The following RASGEF1A variants were observed in gnomAD, a reference collection of about 807,000 sequenced individuals.
The protein encoded by RASGEF1A is ras-GEF domain-containing family member 1A.
A neutral mutation model predicts 56.4 loss-of-function variants in RASGEF1A; 18 were observed. The ratio of observed to expected loss-of-function variants is 0.32; its 90% CI spans 0.22 to 0.47. The LOEUF is 0.47. Ranked by LOEUF, RASGEF1A falls within the 20% of genes least tolerant of loss-of-function variation. RASGEF1A has a pLI of 1.00. For missense variants in RASGEF1A, 422 were observed against 627.1 expected (o/e 0.67, Z 3.49); for synonymous variants, 245 against 242.6 (o/e 1.01, Z -0.09).
chr10:43,198,158 C>T lies in RASGEF1A; in HGVS notation c.1070G>A (p.Arg357His), dbSNP rs779882837. ...MDPSSNFCNY[R>H]TALQGATQRS... ...CTGCGTGGCCCCCTGCAGGGCTGTA[C>T]GGTAGTTGCAGAAGTTGCTGGACGG... Residue 357 changes from arginine (R) to histidine (H), a missense_variant, in exon 10 of 13, where the codon CGT becomes CAT. This residue lies in a region of RASGEF1A where 149 missense variants were observed against 287.2 expected (regional missense o/e 0.52). Transcript: ENST00000395810. The T allele has an allele frequency of 5.6e-6, 9 of 1,613,622 alleles. No homozygotes were observed. Among genetic ancestry groups the T allele is most frequent in the Admixed American group, 1.7e-5 (1 of 60,004 alleles).
chr10:43,208,521 G>C, intron 1 of RASGEF1A: 2 of 985,790 alleles, frequency 2.0e-6, no homozygotes, highest in Non-Finnish European at 2.4e-6. Flanking sequence ...GGAGCATGCA[G>C]GGGTGTCCCA....
At chr10:43,197,642 G>A (rs776513591) in intron 10 of RASGEF1A, among the ~76,000 whole-genome samples, 15 of 152,092 alleles carry the variant, frequency 9.9e-5, no homozygotes, top group Non-Finnish European at 1.6e-4. Flanking sequence ...ATTCTCTGCC[G>A]CCTCCTCCCT....
intron 1 of RASGEF1A, chr10:43,207,725 C>A (rs933499009): frequency 1.4e-5 from 14 of 984,250 alleles, no homozygotes; most frequent in Non-Finnish European, 3.6e-6. Context: ...TTAGAATGCA[C>A]ATTCTCAGGC....
rs78882215 is a variant in RASGEF1A, at chr10:43,263,907, C to A, written c.-7+2938G>T. 1.9e-4 allele frequency among the ~76,000 whole-genome samples: 29 copies of A among 152,230 alleles called. No homozygotes were observed. The East Asian group carries it at 5.2e-3, about 28-fold the overall frequency. On this transcript the variant is annotated intron_variant, in intron 1 of 12. Transcript: ENST00000395810. ...GCCACAGCAGCAGTCACACCCCCAC[C>A]CCGTCCATCACAGCACAGGCCCCGC...
In RASGEF1A at chr10:43,204,636, G is replaced by A. The variant is rs560269099; in HGVS notation, c.199-1216C>T. ...TGCATGTTTGTGTGCATGTGTGAGT[G>A]TGTTCAGCTACCGGTGCACATGGGG... is the stretch of plus-strand genomic sequence containing the variant. On this transcript the variant is annotated intron_variant, in intron 2 of 12. Coordinates refer to ENST00000395810, the MANE Select transcript of RASGEF1A (RefSeq NM_145313.4). Among the ~76,000 whole-genome samples the A allele has an allele frequency of 6.0e-4, 92 of 152,280 alleles. No individual in the cohort carries two copies. In the Middle Eastern group the frequency reaches 0.01, roughly 17 times the overall value.
chr10:43,236,440 A>T (rs541896463), intron 1 of RASGEF1A, among the ~76,000 whole-genome samples: 2 of 152,352 alleles, frequency 1.3e-5, no homozygotes, highest in East Asian at 3.9e-4. Flanking sequence ...ACATAGTTGC[A>T]TGCATGCATT....
intron 1 of RASGEF1A, among the ~76,000 whole-genome samples, chr10:43,243,683 G>C (rs1362377392): frequency 6.7e-6 from 1 of 148,240 alleles, no homozygotes; most frequent in Non-Finnish European, 1.5e-5. Flanking sequence ...CTTCGTCTGG[G>C]AGGTGGGGAG....
In RASGEF1A at chr10:43,198,955, G is replaced by T; in HGVS notation, c.1010C>A (p.Thr337Lys). The part of the protein sequence containing the change: ...RLKKTWSKVK[T>K]AKFDVLEHHM... ...TACCTCCAAGACATCAAACTTGGCT[G>T]TCTTGACCTTGGACCAAGTTTTCTT... Residue 337 changes from threonine to lysine, a missense_variant, in exon 9 of 13, where the codon ACA becomes AAA. Physicochemically the swap from Thr to Lys is moderately conservative, Grantham distance 78. This residue lies in a region of RASGEF1A where 149 missense variants were observed against 287.2 expected (regional missense o/e 0.52). Transcript: ENST00000395810. The T allele has an allele frequency of 6.2e-7, 1 of 1,610,372 alleles. No individual in the cohort carries two copies. Among genetic ancestry groups the T allele is most frequent in the South Asian group, 1.1e-5 (1 of 90,982 alleles).
At chr10:43,207,010 T>G (rs1471242834) in intron 1 of RASGEF1A, 1 of 985,396 alleles carries the variant, frequency 1.0e-6, no homozygotes, top group African/African-American at 1.7e-5. Context: ...CTGGGAGTTC[T>G]TGTGAAGCCT....
At chr10:43,197,148 A>C in intron 10 of RASGEF1A, 49 bp from the exon 11 acceptor site, 1 of 1,599,900 alleles carries the variant, frequency 6.3e-7, no homozygotes, top group Non-Finnish European at 8.5e-7. Context: ...TTAAGCACCA[A>C]ACCCTCGGTC....
rs1836634806 is a variant in RASGEF1A, at chr10:43,266,859, G to C, written c.-21C>G. The C allele has an allele frequency of 1.4e-5, 2 of 146,036 alleles. No homozygotes were observed. Among genetic ancestry groups the C allele is most frequent in the East Asian group, 4.0e-4 (2 of 5,036 alleles). The allele number at this position is 146,036 out of a possible 1,614,324, so 9.0% of individuals were successfully genotyped here. ...CCGCTGCCTACCTCGGTCCGGGCCAGCGTCGCTCCCGCGCCGCCCTCGCGC... is the reference window on the plus strand; with the variant it reads ...CCGCTGCCTACCTCGGTCCGGGCCACCGTCGCTCCCGCGCCGCCCTCGCGC... On this transcript the variant is annotated 5_prime_UTR_variant, in exon 1 of 13. Coordinates refer to ENST00000395810, the MANE Select transcript of RASGEF1A (RefSeq NM_145313.4).
chr10:43,223,623 T>C (rs955553665), intron 1 of RASGEF1A, among the ~76,000 whole-genome samples: 3 of 152,174 alleles, frequency 2.0e-5, no homozygotes, highest in African/African-American at 7.2e-5. Flanking sequence ...GCAAATTAGA[T>C]GACTTAATCA....
intron 1 of RASGEF1A, among the ~76,000 whole-genome samples, chr10:43,230,272 T>G (rs549581277): frequency 6.6e-6 from 1 of 152,308 alleles, no homozygotes; most frequent in Non-Finnish European, 1.5e-5. Context: ...GAACTCCCTG[T>G]CCTTCCATTT....
Position 43,196,953 on chromosome 10 carries a change from C to T in RASGEF1A, c.1348+23G>A. ...GGAGTCAGGTGGGGTGGGAGGCATG[C>T]TGCGTTGGGAGGCAGCCCTCACCTT... is the stretch of plus-strand genomic sequence containing the variant. On this transcript the variant is annotated intron_variant, in intron 11 of 12. Transcript: ENST00000395810. This position sits in a 1 kb window ranked among gnomAD's most constrained non-coding sequence, Gnocchi z 4.6. 2 of 1,610,872 alleles carry T rather than the reference C, an allele frequency of 1.2e-6. No homozygotes were observed. Among genetic ancestry groups the T allele is most frequent in the Non-Finnish European group, 8.5e-7 (1 of 1,179,182 alleles).
chr10:43,263,202 G>A (rs953999), intron 1 of RASGEF1A, among the ~76,000 whole-genome samples: 44,384 of 151,958 alleles, frequency 0.29, 6,884 homozygotes, highest in Non-Finnish European at 0.33. Context: ...GGGACTTTGA[G>A]TGTCCCAGGA....
intron 1 of RASGEF1A, among the ~76,000 whole-genome samples, chr10:43,262,073 G>A (rs373617216): frequency 6.6e-6 from 1 of 152,138 alleles, no homozygotes; most frequent in Non-Finnish European, 1.5e-5. Flanking sequence ...AAGGCTGCCT[G>A]ACATTCACAT....
chr10:43,256,314 C>A (rs916711374), intron 1 of RASGEF1A, among the ~76,000 whole-genome samples: 1 of 152,180 alleles, frequency 6.6e-6, no homozygotes, highest in Non-Finnish European at 1.5e-5. Context: ...GCAGCCAGTG[C>A]GGAGCTTGGT....
chr10:43,250,213 G>A lies in RASGEF1A; in HGVS notation c.-7+16632C>T, dbSNP rs943037647. On this transcript the variant is annotated intron_variant, in intron 1 of 12. Coordinates refer to ENST00000395810, the MANE Select transcript of RASGEF1A (RefSeq NM_145313.4). ...CGCAGTCTCGGAGCTATGGAGGAGC[G>A]CTGCCTGGGAGCCAGCTGCCCGGAC... 1.4e-4 allele frequency among the ~76,000 whole-genome samples: 22 copies of A among 152,320 alleles called. 1 individual carries two copies. The highest frequency in any genetic ancestry group is 7.8e-4 in the Admixed American group (12 of 15,302).
At chr10:43,211,402 G>A (rs1053595578) in intron 1 of RASGEF1A, among the ~76,000 whole-genome samples, 5 of 152,188 alleles carry the variant, frequency 3.3e-5, no homozygotes, top group Non-Finnish European at 7.4e-5. Flanking sequence ...AGCACTGTAG[G>A]AGGCCTGGAG....
Sources: allele counts gnomAD v4.1 joint callset (sites outside exome capture counted in the v4.1 genomes callset), GRCh38; gene constraint gnomAD v4.1.1; regional missense constraint gnomAD v4.1.1; non-coding constraint Gnocchi (gnomAD v3.1); transcripts MANE v1.5; gene names NCBI Gene and HGNC (gene_info 2026-07-23, HGNC 2026-07-21).